UBAP1L: variants seen among roughly 807,000 people sequenced by gnomAD.
The protein encoded by UBAP1L is ubiquitin-associated protein 1-like.
UBAP1L carries 32 observed loss-of-function variants against 32.1 expected under a neutral mutation model. The observed-to-expected ratio is 1.00, with a 90% confidence interval of 0.75 to 1.34. The LOEUF is 1.34. UBAP1L is among the 40% of genes most tolerant of loss of function. The pLI is 0.00. For synonymous variants in UBAP1L, 243 were observed against 250.2 expected (o/e 0.97, Z 0.27); for missense variants, 516 against 540.5 (o/e 0.95, Z 0.45).
At position 65,102,204 on chromosome 15, in the gene UBAP1L, C is replaced by T; in HGVS notation, c.601G>A (p.Gly201Arg). 1 of 1,208,066 alleles carries T rather than the reference C, an allele frequency of 8.3e-7. No individual in the cohort carries two copies. Among genetic ancestry groups the T allele is most frequent in the Non-Finnish European group, 1.0e-6 (1 of 972,822 alleles). The allele number at this position is 1,208,066 out of a possible 1,614,324, so 74.8% of individuals were successfully genotyped here. The change falls in exon 3 of 6, where the codon GGG (glycine) becomes AGG (arginine). Residue 201 changes from glycine to arginine, a missense_variant. Coordinates refer to ENST00000559089, the MANE Select transcript of UBAP1L (RefSeq NM_001163692.2). This position sits in a 1 kb window ranked among gnomAD's most constrained non-coding sequence, Gnocchi z 5.0. ...GCGGCGGGGTGCTGGGGCGCGGGCC[C>T]CGGGGGTGATGCAGACCTGGGGGAC... The part of the protein sequence containing the change: ...AQSPRSASPP[G>R]PAPQHPAAPA...
chr15:65,099,164 TC>T, intron 4 of UBAP1L: 1 of 276,362 alleles, frequency 3.6e-6, no homozygotes, highest in Non-Finnish European at 7.0e-6. Context: ...TGATGTTCCA[TC>T]CACACACCCT....
intron 3 of UBAP1L, chr15:65,101,684 G>C (rs887635414): frequency 6.5e-6 from 1 of 154,760 alleles, no homozygotes; most frequent in Non-Finnish European, 1.4e-5. Context: ...GGAAGCCCTA[G>C]ATTTGCGTTG....
intron 2 of UBAP1L, among the ~76,000 whole-genome samples, chr15:65,103,545 G>A (rs188434995): frequency 2.6e-5 from 4 of 152,260 alleles, no homozygotes; most frequent in Admixed American, 2.0e-4. Context: ...GAAGAAAGAG[G>A]CTAGGGGTTG....
chr15:65,105,843 T>C, intron 2 of UBAP1L: 1 of 694,946 alleles, frequency 1.4e-6, no homozygotes, highest in Non-Finnish European at 2.6e-6. Flanking sequence ...CAGGCTGAAA[T>C]GCAGTGGCAC....
intron 1 of UBAP1L, among the ~76,000 whole-genome samples, chr15:65,111,566 C>T (rs188208892): frequency 4.1e-4 from 62 of 152,298 alleles, no homozygotes; most frequent in Non-Finnish European, 6.3e-4. Flanking sequence ...CTCACGGCAA[C>T]GTCTGCCTCC....
At chr15:65,106,002 G>C in intron 2 of UBAP1L, 94 bp downstream of exon 2, 1 of 1,513,306 alleles carries the variant, frequency 6.6e-7, no homozygotes. Flanking sequence ...ATGTTGGCCA[G>C]GGCTAGCTGT....
In UBAP1L at chr15:65,099,642, G is replaced by A; in HGVS notation, c.772C>T (p.Pro258Ser). The A allele has an allele frequency of 6.4e-7, 1 of 1,551,678 alleles. No individual in the cohort carries two copies. Among genetic ancestry groups the A allele is most frequent in the African/African-American group, 1.4e-5 (1 of 73,180 alleles). ...PQPLNPHKSH[P>S]DTAADLLSAL... Reference sequence around the variant, plus strand: ...GACAGCAGGTCAGCCGCAGTATCAGGGTGTGACTTGTGGGGGTTGAGAGGT... The same window carrying A: ...GACAGCAGGTCAGCCGCAGTATCAGAGTGTGACTTGTGGGGGTTGAGAGGT... Residue 258 changes from proline (P) to serine (S), a missense_variant, in exon 4 of 6, where the codon CCT (proline) becomes TCT (serine). Physicochemically the swap from Pro to Ser is moderately conservative, Grantham distance 74. Transcript: ENST00000559089.
At chr15:65,114,477 T>C (rs965581298) in intron 1 of UBAP1L, among the ~76,000 whole-genome samples, 10 of 152,330 alleles carry the variant, frequency 6.6e-5, no homozygotes, top group African/African-American at 2.2e-4. Flanking sequence ...TTAGCTTTAA[T>C]AGGCACTTAA....
intron 3 of UBAP1L, chr15:65,101,379 G>C (rs1239069318): frequency 6.6e-6 from 1 of 152,214 alleles, no homozygotes; most frequent in Non-Finnish European, 1.5e-5. Context: ...GAGACAAAGG[G>C]AGGAGCCTGA....
chr15:65,094,452 C>T lies in UBAP1L; in HGVS notation c.1011+23G>A. 1 of 1,526,106 alleles carries T rather than the reference C, an allele frequency of 6.6e-7. No individual in the cohort carries two copies. The highest frequency in any genetic ancestry group is 8.9e-7 in the Non-Finnish European group (1 of 1,128,098). The allele number at this position is 1,526,106 out of a possible 1,614,324, so 94.5% of individuals were successfully genotyped here. ...CCCCCATCCCTTCCATCCCCTGGGGCCCTGGCAGGAAGCCCTGCTGACCTG... is the reference window on the plus strand; with the variant it reads ...CCCCCATCCCTTCCATCCCCTGGGGTCCTGGCAGGAAGCCCTGCTGACCTG... On this transcript the variant is annotated intron_variant, in intron 5 of 5. Coordinates refer to ENST00000559089, the MANE Select transcript of UBAP1L (RefSeq NM_001163692.2). The surrounding 1 kb of genome is among the most constrained non-coding windows in gnomAD (Gnocchi z 4.2).
intron 1 of UBAP1L, among the ~76,000 whole-genome samples, chr15:65,108,650 TAGG>T (rs1002955608): frequency 1.3e-5 from 2 of 151,400 alleles, no homozygotes; most frequent in African/African-American, 4.9e-5. Context: ...GAGGCTGAAG[TAGG>T]AGGATTGCTT....
At chr15:65,105,628 C>A in intron 2 of UBAP1L, 1 of 661,494 alleles carries the variant, frequency 1.5e-6, no homozygotes, top group South Asian at 1.4e-5. Flanking sequence ...ACTCGTGAAA[C>A]TGTCCAGGCC....
At chr15:65,099,810 G>A in intron 3 of UBAP1L, 96 bp from the exon 4 acceptor site, 1 of 1,050,218 alleles carries the variant, frequency 9.5e-7, no homozygotes, top group Non-Finnish European at 1.4e-6. Flanking sequence ...ACCACCTTCT[G>A]TACAGAGTGT....
chr15:65,099,209 A>G, intron 4 of UBAP1L: 1 of 367,426 alleles, frequency 2.7e-6, no homozygotes, highest in South Asian at 3.7e-5. Flanking sequence ...AGATGCTGGG[A>G]GAGCTGGGAG....
Position 65,099,721 on chromosome 15 carries a change from TACAG to T in UBAP1L, c.700-11_700-8del, listed in dbSNP as rs765089741. On this transcript the variant is annotated splice_region_variant and splice_polypyrimidine_tract_variant and intron_variant, in intron 3 of 5. Transcript: ENST00000559089. ...AGGTGTACGGGCTGAGGGACTGAAATACAGACAGACTGGACATGTCAGTTACTAC... is the reference window on the plus strand; with the variant it reads ...AGGTGTACGGGCTGAGGGACTGAAATACAGACTGGACATGTCAGTTACTAC... 6.5e-6 allele frequency: 10 copies of T among 1,543,524 alleles called. No homozygotes were observed. The Admixed American group carries it at 2.0e-4, about 30-fold the overall frequency.
At chr15:65,111,751 C>T (rs1338214970) in intron 1 of UBAP1L, among the ~76,000 whole-genome samples, 1 of 152,072 alleles carries the variant, frequency 6.6e-6, no homozygotes, top group African/African-American at 2.4e-5. Flanking sequence ...TCCCAAAGTG[C>T]TGAGATTGCA....
Position 65,106,238 on chromosome 15 carries a change from C to T in UBAP1L, c.-23G>A. ...CATTCTGTCAGGAGTGTGGAGATGGCTGGCAGGGCTGGGGCAGGCTGCTTG... is the reference window on the plus strand; with the variant it reads ...CATTCTGTCAGGAGTGTGGAGATGGTTGGCAGGGCTGGGGCAGGCTGCTTG... On this transcript the variant is annotated 5_prime_UTR_variant, in exon 2 of 6. Transcript: ENST00000559089. 1 of 1,521,954 alleles carries T rather than the reference C, an allele frequency of 6.6e-7. No individual in the cohort carries two copies. The highest frequency in any genetic ancestry group is 8.8e-7 in the Non-Finnish European group (1 of 1,135,910). The allele number at this position is 1,521,954 out of a possible 1,614,324, so 94.3% of individuals were successfully genotyped here. A position where few individuals can be genotyped will look rare whatever the true frequency, so the allele number is the denominator to read the frequency against.
At position 65,099,555 on chromosome 15, in the gene UBAP1L, G is replaced by A. The variant is rs764531829; in HGVS notation, c.859C>T (p.Arg287Ter). 45 of 1,551,222 alleles carry A rather than the reference G, an allele frequency of 2.9e-5. No homozygotes were observed. The highest frequency in any genetic ancestry group is 1.7e-4 in the Middle Eastern group (1 of 5,882). Reference sequence around the variant, plus strand: ...TTCTGCAGAGCTATGATGGCCCTTCGCAGGGGATATCCCAGGGCGACCACT... The same window carrying A: ...TTCTGCAGAGCTATGATGGCCCTTCACAGGGGATATCCCAGGGCGACCACT... ...GPVVALGYPL[R>*]RAIIALQKTG... The change falls in exon 4 of 6, where the codon CGA becomes TGA. Residue 287 changes from arginine to a stop codon, truncating the protein, a stop_gained. Coordinates refer to ENST00000559089, the MANE Select transcript of UBAP1L (RefSeq NM_001163692.2). LOFTEE classifies it high-confidence loss of function.
intron 1 of UBAP1L, among the ~76,000 whole-genome samples, chr15:65,111,690 G>C (rs1323392553): frequency 6.6e-6 from 1 of 150,846 alleles, no homozygotes; most frequent in Non-Finnish European, 1.5e-5. Context: ...TCGCCATACT[G>C]GTCAGGCTGG....
Sources: allele counts gnomAD v4.1 joint callset (sites outside exome capture counted in the v4.1 genomes callset), GRCh38; gene constraint gnomAD v4.1.1; non-coding constraint Gnocchi (gnomAD v3.1); transcripts MANE v1.5; gene names NCBI Gene and HGNC (gene_info 2026-07-23, HGNC 2026-07-21).